HS6ST3: variants seen among roughly 807,000 people sequenced by gnomAD.
HS6ST3 encodes the protein heparan sulfate 6-O-sulfotransferase 3.
In HS6ST3, 12 loss-of-function variants were observed where a neutral mutation model predicts 36.7. The ratio of observed to expected loss-of-function variants is 0.33; its 90% CI spans 0.21 to 0.53. HS6ST3 has a LOEUF of 0.53. Ranked by LOEUF, HS6ST3 falls within the 20% of genes least tolerant of loss-of-function variation. The pLI, the probability that HS6ST3 is intolerant of heterozygous loss-of-function variation, is 0.95. For missense variants in HS6ST3, 584 were observed against 640.9 expected (o/e 0.91, Z 0.96); for synonymous variants, 240 against 257.5 (o/e 0.93, Z 0.65).
At chr13:96,529,178 G>C (rs1225789068) in intron 1 of HS6ST3, among the ~76,000 whole-genome samples, 5 of 152,082 alleles carry the variant, frequency 3.3e-5, no homozygotes, top group Non-Finnish European at 1.5e-5. Context: ...GAGAACTGCT[G>C]ATCTAGAGTT....
intron 1 of HS6ST3, among the ~76,000 whole-genome samples, chr13:96,811,187 G>A (rs558345288): frequency 8.5e-5 from 13 of 152,186 alleles, no homozygotes; most frequent in African/African-American, 2.6e-4. Flanking sequence ...TACTTACCTC[G>A]GGGCTGCAAA....
intron 1 of HS6ST3, among the ~76,000 whole-genome samples, chr13:96,312,476 A>C (rs2054946284): frequency 6.6e-6 from 1 of 152,064 alleles, no homozygotes; most frequent in Non-Finnish European, 1.5e-5. Context: ...TTTCATTTAA[A>C]TTGTTTTAAA....
At chr13:96,264,762 G>C (rs1015595692) in intron 1 of HS6ST3, among the ~76,000 whole-genome samples, 12 of 152,110 alleles carry the variant, frequency 7.9e-5, no homozygotes, top group Non-Finnish European at 1.8e-4. Flanking sequence ...GTCACCATGG[G>C]TTATTTCTAA....
intron 1 of HS6ST3, among the ~76,000 whole-genome samples, chr13:96,691,284 G>A (rs1401091179): frequency 6.6e-6 from 1 of 152,010 alleles, no homozygotes; most frequent in Non-Finnish European, 1.5e-5. Context: ...ATTTAAACTG[G>A]GATGTTAAAT....
intron 1 of HS6ST3, among the ~76,000 whole-genome samples, chr13:96,460,224 C>G (rs552952328): frequency 6.6e-6 from 1 of 152,202 alleles, no homozygotes; most frequent in African/African-American, 2.4e-5. Context: ...TATTTGGGAG[C>G]AGAAAGCAAA....
At chr13:96,664,477 C>A (rs1335929772) in intron 1 of HS6ST3, among the ~76,000 whole-genome samples, 1 of 152,176 alleles carries the variant, frequency 6.6e-6, no homozygotes, top group Non-Finnish European at 1.5e-5. Context: ...AACACTGAAA[C>A]TTCATAGTCT....
chr13:96,095,546 C>T (rs141760120), intron 1 of HS6ST3, among the ~76,000 whole-genome samples: 5 of 152,274 alleles, frequency 3.3e-5, no homozygotes, highest in South Asian at 2.1e-4. Flanking sequence ...GTCACACCAC[C>T]GGAAGGTTGG....
intron 1 of HS6ST3, among the ~76,000 whole-genome samples, chr13:96,617,636 C>T (rs561463404): frequency 5.3e-5 from 8 of 152,258 alleles, no homozygotes; most frequent in African/African-American, 7.2e-5. Context: ...TGGTTTCATT[C>T]GAGGTAAACA....
intron 1 of HS6ST3, among the ~76,000 whole-genome samples, chr13:96,702,053 C>T (rs1259740840): frequency 6.6e-6 from 1 of 152,144 alleles, no homozygotes; most frequent in Non-Finnish European, 1.5e-5. Flanking sequence ...TAGAGATGAG[C>T]ACTGGAATCC....
chr13:96,457,621 C>T (rs569317149), intron 1 of HS6ST3, among the ~76,000 whole-genome samples: 1 of 152,040 alleles, frequency 6.6e-6, no homozygotes, highest in African/African-American at 2.4e-5. Context: ...CACTTCTGTT[C>T]CTCTTTAGGG....
At chr13:96,317,401 A>AAT (rs1159536290) in intron 1 of HS6ST3, among the ~76,000 whole-genome samples, 1,321 of 120,274 alleles carry the variant, frequency 0.011, 25 homozygotes, top group African/African-American at 0.026. Flanking sequence ...TATATCATGG[A>AAT]ATATATATAT....
chr13:96,380,556 G>T (rs1314914306), intron 1 of HS6ST3, among the ~76,000 whole-genome samples: 1 of 152,096 alleles, frequency 6.6e-6, no homozygotes, highest in Non-Finnish European at 1.5e-5. Flanking sequence ...GTGAGCTACT[G>T]CACCCGGCCT....
At chr13:96,748,961 TC>T (rs1316924575) in intron 1 of HS6ST3, among the ~76,000 whole-genome samples, 2 of 152,082 alleles carry the variant, frequency 1.3e-5, no homozygotes, top group Non-Finnish European at 2.9e-5. Flanking sequence ...CTATTATACT[TC>T]AGTTTAGGAA....
intron 1 of HS6ST3, among the ~76,000 whole-genome samples, chr13:96,641,114 A>T (rs1378758043): frequency 6.6e-6 from 1 of 151,932 alleles, no homozygotes; most frequent in Non-Finnish European, 1.5e-5. Context: ...GCTTGATAAG[A>T]TAGCATTGAT....
At chr13:96,656,542 C>G (rs1033080548) in intron 1 of HS6ST3, among the ~76,000 whole-genome samples, 2 of 152,040 alleles carry the variant, frequency 1.3e-5, no homozygotes, top group Non-Finnish European at 2.9e-5. Flanking sequence ...GGCCAGGAAA[C>G]AAAAGAGATG....
intron 1 of HS6ST3, among the ~76,000 whole-genome samples, chr13:96,533,555 T>C (rs2056143974): frequency 6.6e-6 from 1 of 152,178 alleles, no homozygotes; most frequent in South Asian, 2.1e-4. Flanking sequence ...ACACGTGGCA[T>C]CCATCATTTC....
At chr13:96,507,659 A>T (rs2056031902) in intron 1 of HS6ST3, among the ~76,000 whole-genome samples, 1 of 151,998 alleles carries the variant, frequency 6.6e-6, no homozygotes, top group Non-Finnish European at 1.5e-5. Context: ...ACTTTATTTT[A>T]TTAATAATAA....
chr13:96,348,704 G>A (rs373427386), intron 1 of HS6ST3, among the ~76,000 whole-genome samples: 9 of 152,120 alleles, frequency 5.9e-5, no homozygotes, highest in African/African-American at 2.2e-4. Flanking sequence ...GGAATAGCCC[G>A]GCTTCAGAGA....
chr13:96,494,158 G>T (rs1269768315), intron 1 of HS6ST3, among the ~76,000 whole-genome samples: 1 of 151,942 alleles, frequency 6.6e-6, no homozygotes, highest in Non-Finnish European at 1.5e-5. Flanking sequence ...CTTCACCAAT[G>T]ATAGACTGGA....
Sources: allele counts gnomAD v4.1 joint callset (sites outside exome capture counted in the v4.1 genomes callset), GRCh38; gene constraint gnomAD v4.1.1; transcripts MANE v1.5; gene names NCBI Gene and HGNC (gene_info 2026-07-23, HGNC 2026-07-21).